Variants in SYPL1 observed in about 807,000 individuals in gnomAD.
The protein encoded by SYPL1 is synaptophysin-like protein 1.
In SYPL1, 6 loss-of-function variants were observed where a neutral mutation model predicts 23.7. The ratio of observed to expected loss-of-function variants is 0.25; its 90% CI spans 0.14 to 0.50. The LOEUF (loss-of-function observed/expected upper bound fraction) is 0.50. Ranked by LOEUF, SYPL1 falls within the 20% of genes least tolerant of loss-of-function variation. The pLI is 0.98. For synonymous variants in SYPL1, 102 were observed against 104.5 expected, an observed-to-expected ratio of 0.98 and a Z score of 0.15; for missense variants, 253 against 288.9, an observed-to-expected ratio of 0.88 and a Z score of 0.90.
chr7:106,101,315 G>A (rs176494), intron 1 of SYPL1, among the ~76,000 whole-genome samples: 31,062 of 152,010 alleles, frequency 0.2, 3,619 homozygotes, highest in South Asian at 0.28. Flanking sequence ...ATGCAGATTT[G>A]ATATCAAATA....
rs115076848 is a variant in SYPL1, at chr7:106,103,039, T to C, written c.70-3757A>G. 4.4e-3 allele frequency among the ~76,000 whole-genome samples: 666 copies of C among 152,270 alleles called. 8 individuals carry two copies. Among genetic ancestry groups the C allele is most frequent in the African/African-American group, 0.015 (623 of 41,558 alleles). On this transcript the variant is annotated intron_variant, in intron 1 of 4. Coordinates refer to ENST00000455385, the MANE Select transcript of SYPL1 (RefSeq NM_182715.4). The stretch of plus-strand genomic sequence containing the variant: ...ACAAGCTACCAATTAGATGAACATA[T>C]TTATAATAAACATAATGTCACAAAG...
chr7:106,111,280 A>C (rs1790130823), intron 1 of SYPL1, among the ~76,000 whole-genome samples: 1 of 152,220 alleles, frequency 6.6e-6, no homozygotes, highest in South Asian at 2.1e-4. Context: ...AAAGCTATGG[A>C]TGTAAATGCT....
intron 1 of SYPL1, 116 bp from the exon 2 acceptor site, chr7:106,099,398 T>A: frequency 7.9e-7 from 1 of 1,261,218 alleles, no homozygotes; most frequent in Non-Finnish European, 1.1e-6. Context: ...GCTAACATTC[T>A]AGAAATTCTT....
In SYPL1 at chr7:106,112,230, G is replaced by A. The variant is rs1305604422; in HGVS notation, c.-22C>T. On this transcript the variant is annotated 5_prime_UTR_variant, in exon 1 of 5. Transcript: ENST00000455385. ...ACATCCTCTGAGGAAAGGAGGGAGA[G>A]AGAGTCAGGACGACGGGGCGGAGGA... 10 of 1,531,858 alleles carry A rather than the reference G, an allele frequency of 6.5e-6. No homozygotes were observed. In the African/African-American group the frequency reaches 1.1e-4, roughly 17 times the overall value. The allele number at this position is 1,531,858 out of a possible 1,614,324, so 94.9% of individuals were successfully genotyped here.
chr7:106,099,238 G>A lies in SYPL1; in HGVS notation c.114C>T (p.Gly38=), dbSNP rs1220633267. The A allele has an allele frequency of 1.2e-6, 2 of 1,613,798 alleles. No homozygotes were observed. The highest frequency in any genetic ancestry group is 8.5e-7 in the Non-Finnish European group (1 of 1,179,948). The change falls in exon 2 of 5, where the codon GGC becomes GGT. Residue 38 remains glycine, a synonymous_variant. Transcript: ENST00000455385. Reference sequence around the variant, plus strand: ...GACAATTCACTTGAATTTCTGTTTGGCCCTTAAAACCTCCACAGGTGGCAA... The same window carrying A: ...GACAATTCACTTGAATTTCTGTTTGACCCTTAAAACCTCCACAGGTGGCAA... ...FAFATCGGFK[G]QTEIQVNCPP...
intron 3 of SYPL1, among the ~76,000 whole-genome samples, chr7:106,094,496 C>T (rs920456141): frequency 5.9e-5 from 9 of 152,142 alleles, no homozygotes; most frequent in Non-Finnish European, 1.0e-4. Flanking sequence ...TGCTACTTGT[C>T]CTTTTAAAAA....
intron 1 of SYPL1, among the ~76,000 whole-genome samples, chr7:106,107,672 A>G (rs540148610): frequency 5.6e-5 from 8 of 144,140 alleles, no homozygotes; most frequent in African/African-American, 2.1e-4. Context: ...AACCTGGGAG[A>G]TGGAGGTTGC....
chr7:106,109,020 G>A lies in SYPL1; in HGVS notation c.69+3120C>T, dbSNP rs541776949. On this transcript the variant is annotated intron_variant, in intron 1 of 4. Coordinates refer to ENST00000455385, the MANE Select transcript of SYPL1 (RefSeq NM_182715.4). This position sits in a 1 kb window ranked among gnomAD's most constrained non-coding sequence, Gnocchi z 4.3. The stretch of plus-strand genomic sequence containing the variant: ...TCTATTTCACTGCCACATACTTGCA[G>A]TTAAAAACAAAAAACCAAAAACAAA... Among the ~76,000 whole-genome samples the A allele has an allele frequency of 1.3e-3, 205 of 152,228 alleles. No individual in the cohort carries two copies. Among genetic ancestry groups the A allele is most frequent in the Admixed American group, 3.0e-3 (46 of 15,284 alleles).
At chr7:106,093,288 A>C in intron 3 of SYPL1, 151 bp from the exon 4 acceptor site, 1 of 659,840 alleles carries the variant, frequency 1.5e-6, no homozygotes, top group Non-Finnish European at 2.4e-6. Context: ...CAGTCAGCAT[A>C]GTAAACATTG....
chr7:106,112,233 A>T lies in SYPL1; in HGVS notation c.-25T>A, dbSNP rs1271522851. 6.6e-7 allele frequency: 1 copy of T among 1,526,314 alleles called. No homozygotes were observed. The highest frequency in any genetic ancestry group is 8.9e-7 in the Non-Finnish European group (1 of 1,127,820). 94.5% of individuals were successfully genotyped at this position (1,526,314 alleles called of 1,614,324 possible). A position where few individuals can be genotyped will look rare whatever the true frequency, so the allele number is the denominator to read the frequency against. On this transcript the variant is annotated 5_prime_UTR_variant, in exon 1 of 5. Transcript: ENST00000455385. ...TCCTCTGAGGAAAGGAGGGAGAGAG[A>T]GTCAGGACGACGGGGCGGAGGAGGG...
In SYPL1 at chr7:106,100,368, T is replaced by G. The variant is rs1272122534; in HGVS notation, c.70-1086A>C. ...GAAACATTATATAGCTGTTGGAAATTAACAACATAGAATGTTGGAGATTAA... is the reference window on the plus strand; with the variant it reads ...GAAACATTATATAGCTGTTGGAAATGAACAACATAGAATGTTGGAGATTAA... On this transcript the variant is annotated intron_variant, in intron 1 of 4. Transcript: ENST00000455385. The surrounding 1 kb of genome is among the most constrained non-coding windows in gnomAD (Gnocchi z 5.1). Among the ~76,000 whole-genome samples, 1 of 152,198 alleles carries G rather than the reference T, an allele frequency of 6.6e-6. No individual in the cohort carries two copies. The highest frequency in any genetic ancestry group is 1.5e-5 in the Non-Finnish European group (1 of 68,036).
Position 106,101,173 on chromosome 7 carries a change from TGTTCTAATTACCACTGCTTGAC to T in SYPL1, c.70-1913_70-1892del, listed in dbSNP as rs572786277. Among the ~76,000 whole-genome samples, 43 of 152,320 alleles carry T rather than the reference TGTTCTAATTACCACTGCTTGAC, an allele frequency of 2.8e-4. No homozygotes were observed. In the East Asian group the frequency reaches 6.7e-3, roughly 24 times the overall value. ...TATTCCCTCTACTCTATTTCTGCTC[TGTTCTAATTACCACTGCTTGAC>T]ACAGTACTTAATTTGTCTGTCTTTC... On this transcript the variant is annotated intron_variant, in intron 1 of 4. Transcript: ENST00000455385.
upstream of SYPL1, chr7:106,112,379 A>T (rs1790217132): frequency 1.6e-6 from 2 of 1,256,034 alleles, no homozygotes; most frequent in Non-Finnish European, 9.9e-7. Flanking sequence ...GCGGCGGTTG[A>T]GCTGCTGGCT....
At position 106,103,831 on chromosome 7, in the gene SYPL1, G is replaced by A. The variant is rs138579546; in HGVS notation, c.70-4549C>T. ...AGCTAGTTTAGAATGATGCCAAACT[G>A]ATCTGAAATAAAAATCTGATCATGT... On this transcript the variant is annotated intron_variant, in intron 1 of 4. Coordinates refer to ENST00000455385, the MANE Select transcript of SYPL1 (RefSeq NM_182715.4). 7.9e-5 allele frequency among the ~76,000 whole-genome samples: 12 copies of A among 152,214 alleles called. No homozygotes were observed. In the East Asian group the frequency reaches 2.1e-3, roughly 27 times the overall value.
At chr7:106,099,117 G>A in intron 2 of SYPL1, 41 bp downstream of exon 2, 1 of 1,579,604 alleles carries the variant, frequency 6.3e-7, no homozygotes, top group Admixed American at 2.0e-5. Flanking sequence ...CACTGTGAAA[G>A]TAAAAAGAGT....
rs1585938484 is a variant in SYPL1, at chr7:106,099,369, C to T, written c.70-87G>A. On this transcript the variant is annotated intron_variant, in intron 1 of 4. Coordinates refer to ENST00000455385, the MANE Select transcript of SYPL1 (RefSeq NM_182715.4). ...ACAAGGGTCACTAAAACTGTAAGCA[C>T]ACTGATTATTAAAAATTGGCTAACA... The T allele has an allele frequency of 6.3e-6, 9 of 1,425,760 alleles. No individual in the cohort carries two copies. In the East Asian group the frequency reaches 1.2e-4, roughly 18 times the overall value. The allele number at this position is 1,425,760 out of a possible 1,614,324, so 88.3% of individuals were successfully genotyped here.
chr7:106,093,240 T>G, intron 3 of SYPL1, 103 bp from the exon 4 acceptor site: 3 of 1,094,902 alleles, frequency 2.7e-6, no homozygotes, highest in Non-Finnish European at 3.8e-6. Flanking sequence ...CTTATGGTGC[T>G]GAGAAATGGC....
Position 106,104,372 on chromosome 7 carries a change from TG to T in SYPL1, c.70-5091del, listed in dbSNP as rs1840482283. The stretch of plus-strand genomic sequence containing the variant: ...CAGCTTGGGCAACACAGTGAGACCC[TG>T]TCTTAAAAATAAAATAAAATAAAAA... On this transcript the variant is annotated intron_variant, in intron 1 of 4. Coordinates refer to ENST00000455385, the MANE Select transcript of SYPL1 (RefSeq NM_182715.4). The surrounding 1 kb of genome is among the most constrained non-coding windows in gnomAD (Gnocchi z 4.1). Among the ~76,000 whole-genome samples the T allele has an allele frequency of 6.6e-6, 1 of 152,154 alleles. No homozygotes were observed. Among genetic ancestry groups the T allele is most frequent in the African/African-American group, 2.4e-5 (1 of 41,436 alleles).
intron 1 of SYPL1, among the ~76,000 whole-genome samples, chr7:106,101,280 A>C (rs1272486261): frequency 1.3e-5 from 2 of 152,210 alleles, no homozygotes; most frequent in Non-Finnish European, 2.9e-5. Flanking sequence ...ACACACACTC[A>C]GCAACTGGTA....
Sources: allele counts gnomAD v4.1 joint callset (sites outside exome capture counted in the v4.1 genomes callset), GRCh38; gene constraint gnomAD v4.1.1; non-coding constraint Gnocchi (gnomAD v3.1); transcripts MANE v1.5; gene names NCBI Gene and HGNC (gene_info 2026-07-23, HGNC 2026-07-21).